The following THEMIS variants were observed in gnomAD, a reference collection of about 807,000 sequenced individuals.
The protein encoded by THEMIS is protein THEMIS.
In THEMIS, 37 loss-of-function variants were observed where a neutral mutation model predicts 52.6. That is an observed-to-expected ratio of 0.70 (90% CI 0.54 to 0.93). THEMIS has a LOEUF of 0.93. Ranked by LOEUF, THEMIS falls within the 40% of genes least tolerant of loss-of-function variation. THEMIS has a pLI of 0.00. For synonymous variants in THEMIS, 292 were observed against 272.7 expected, an observed-to-expected ratio of 1.07 and a Z score of -0.70; for missense variants, 808 against 763.1, an observed-to-expected ratio of 1.06 and a Z score of -0.69.
At chr6:127,765,790 C>T (rs375117648) in intron 4 of THEMIS, among the ~76,000 whole-genome samples, 6 of 152,160 alleles carry the variant, frequency 3.9e-5, no homozygotes, top group Admixed American at 2.0e-4. Context: ...ACCATATAGC[C>T]TAGATGTGTA....
chr6:127,898,902 G>A (rs1781051375), intron 1 of THEMIS, among the ~76,000 whole-genome samples: 1 of 151,874 alleles, frequency 6.6e-6, no homozygotes, highest in African/African-American at 2.4e-5. Context: ...TCATTAATTT[G>A]TGGGAGCTAA....
intron 1 of THEMIS, among the ~76,000 whole-genome samples, chr6:127,906,869 T>A (rs1037795343): frequency 2.6e-5 from 4 of 151,870 alleles, no homozygotes; most frequent in African/African-American, 9.7e-5. Context: ...CAAAGCAAAC[T>A]TTACGTAAAA....
intron 1 of THEMIS, among the ~76,000 whole-genome samples, chr6:127,906,537 T>C (rs936517000): frequency 6.6e-6 from 1 of 151,966 alleles, no homozygotes; most frequent in Non-Finnish European, 1.5e-5. Flanking sequence ...CATTTAGATA[T>C]AATCAGATAC....
intron 4 of THEMIS, among the ~76,000 whole-genome samples, chr6:127,761,151 A>G (rs893638762): frequency 1.3e-5 from 2 of 152,164 alleles, no homozygotes; most frequent in African/African-American, 4.8e-5. Context: ...TATGACCACA[A>G]TGAGATAACA....
rs201800745 is a variant in THEMIS at position 127,787,850 on chromosome 6, T to G, written c.1758+25033A>C. On this transcript the variant is annotated intron_variant, in intron 4 of 5. Transcript: ENST00000368248. ...AGATAGATAGATAGAGATAGACAGA[T>G]ATAGATAGATAGATAGATAGATAGA... 2.0e-3 allele frequency among the ~76,000 whole-genome samples: 276 copies of G among 137,420 alleles called. 1 individual carries two copies. Among genetic ancestry groups the G allele is most frequent in the East Asian group, 2.7e-3 (13 of 4,770 alleles). 90.2% of individuals were successfully genotyped at this position (137,420 alleles called of 152,430 possible).
At chr6:127,738,126 C>T (rs1436954140) in intron 4 of THEMIS, among the ~76,000 whole-genome samples, 1 of 152,098 alleles carries the variant, frequency 6.6e-6, no homozygotes, top group African/African-American at 2.4e-5. Context: ...TCTCCCCTCA[C>T]TCCCACTCAA....
In THEMIS at chr6:127,895,857, G is replaced by C. The variant is rs1437956933; in HGVS notation, c.91+4985C>G. 2.0e-5 allele frequency among the ~76,000 whole-genome samples: 3 copies of C among 151,074 alleles called. No homozygotes were observed. In the East Asian group the frequency reaches 5.8e-4, roughly 29 times the overall value. ...AATAACAAAAGACTCCAACCAAGAA[G>C]TTCCGTAAGTTCAACTAACTTGATA... is the stretch of plus-strand genomic sequence containing the variant. On this transcript the variant is annotated intron_variant, in intron 1 of 5. Coordinates refer to ENST00000368248, the MANE Select transcript of THEMIS (RefSeq NM_001010923.3).
chr6:127,733,695 A>C (rs1353522513), intron 4 of THEMIS, among the ~76,000 whole-genome samples: 1 of 152,218 alleles, frequency 6.6e-6, no homozygotes, highest in Non-Finnish European at 1.5e-5. Context: ...TCTTCCTAAA[A>C]TATCAAATCT....
At chr6:127,848,068 C>T (rs1157697293) in intron 2 of THEMIS, among the ~76,000 whole-genome samples, 1 of 60,124 alleles carries the variant, frequency 1.7e-5, no homozygotes, top group African/African-American at 4.6e-5. Context: ...TCCCTCCCCC[C>T]TCCCCCCCAC....
intron 4 of THEMIS, among the ~76,000 whole-genome samples, chr6:127,790,740 G>A (rs116459949): frequency 0.012 from 1,855 of 152,314 alleles, 22 homozygotes; most frequent in African/African-American, 0.041. Context: ...CCTGCCAAGG[G>A]TGAGCCAGGC....
intron 1 of THEMIS, among the ~76,000 whole-genome samples, chr6:127,891,450 C>G: frequency 6.7e-6 from 1 of 148,416 alleles, no homozygotes; most frequent in South Asian, 2.1e-4. Flanking sequence ...ACAGGAAAAT[C>G]GCTTGAATCC....
intron 4 of THEMIS, among the ~76,000 whole-genome samples, chr6:127,730,924 A>G (rs185567264): frequency 1.3e-5 from 2 of 152,318 alleles, no homozygotes; most frequent in Admixed American, 6.5e-5. Flanking sequence ...ATACTAATAC[A>G]TCTTTAATTT....
chr6:127,857,773 T>G (rs1779667002), intron 1 of THEMIS, among the ~76,000 whole-genome samples: 1 of 151,912 alleles, frequency 6.6e-6, no homozygotes, highest in South Asian at 2.1e-4. Flanking sequence ...GACATTAAGG[T>G]TTGCAAACAT....
At chr6:127,856,209 C>G (rs1176021097) in intron 1 of THEMIS, among the ~76,000 whole-genome samples, 1 of 151,938 alleles carries the variant, frequency 6.6e-6, no homozygotes, top group Non-Finnish European at 1.5e-5. Context: ...ACCACCTCCT[C>G]ATAGAATTGT....
At position 127,835,876 on chromosome 6, in the gene THEMIS, C is replaced by T. The variant is rs79415903; in HGVS notation, c.251-5942G>A. Among the ~76,000 whole-genome samples the T allele has an allele frequency of 1.1e-4, 16 of 152,136 alleles. 1 individual carries two copies. In the East Asian group the frequency reaches 2.1e-3, roughly 20 times the overall value. On this transcript the variant is annotated intron_variant, in intron 2 of 5. Transcript: ENST00000368248. ...TCCAGGTTGCTTTGAGGAGCTTGTC[C>T]GACCCCATGCTTTGATAAATTACTT...
At chr6:127,837,548 G>A (rs963002780) in intron 2 of THEMIS, among the ~76,000 whole-genome samples, 19 of 151,684 alleles carry the variant, frequency 1.3e-4, no homozygotes, top group African/African-American at 4.6e-4. Context: ...ACACACCAAG[G>A]AACCCAGCCT....
intron 4 of THEMIS, among the ~76,000 whole-genome samples, chr6:127,722,462 T>C (rs1228780507): frequency 6.6e-6 from 1 of 151,900 alleles, no homozygotes; most frequent in East Asian, 1.9e-4. Context: ...CTCTCTTCCC[T>C]CTCCCCTTTC....
chr6:127,902,324 C>CAA (rs35320887), upstream of THEMIS, among the ~76,000 whole-genome samples: 7,803 of 109,224 alleles, frequency 0.071, 434 homozygotes, highest in Middle Eastern at 0.14. Flanking sequence ...GACTCTGTCT[C>CAA]AAAAAAAAAA....
rs1775412814 is a variant in THEMIS, at chr6:127,746,766, AATTAT to A, written c.1759-26948_1759-26944del. Among the ~76,000 whole-genome samples, 4 of 74,012 alleles carry A rather than the reference AATTAT, an allele frequency of 5.4e-5. No individual in the cohort carries two copies. In the South Asian group the frequency reaches 1.3e-3, roughly 24 times the overall value. The allele number at this position is 74,012 out of a possible 152,430, so 48.6% of individuals were successfully genotyped here. On this transcript the variant is annotated intron_variant, in intron 4 of 5. Coordinates refer to ENST00000368248, the MANE Select transcript of THEMIS (RefSeq NM_001010923.3). ...TATATATAATTATATATTATTATAT[AATTAT>A]ATTATATATAATTATATATTATTAT...
Sources: allele counts gnomAD v4.1 joint callset (sites outside exome capture counted in the v4.1 genomes callset), GRCh38; gene constraint gnomAD v4.1.1; transcripts MANE v1.5; gene names NCBI Gene and HGNC (gene_info 2026-07-23, HGNC 2026-07-21).